The following PVT1 variants were observed in gnomAD, a reference collection of about 807,000 sequenced individuals.
The protein encoded by PVT1 is Pvt1 oncogene, also known as CXCR4/PVT1 fusion.
chr8:127,888,768 C>T lies in PVT1; in HGVS notation n.373-1821C>T, dbSNP rs199705040. 9.2e-5 allele frequency among the ~76,000 whole-genome samples: 14 copies of T among 152,344 alleles called. No homozygotes were observed. The East Asian group carries it at 2.5e-3, about 27-fold the overall frequency. ...TTGGAAAAGCAAGGAAACACATTCC[C>T]TCTCAGCCACCAGAAAGAAATGCAG... On this transcript the variant is annotated intron_variant and non_coding_transcript_variant, in intron 2 of 10. Transcript: ENST00000651587.
At chr8:127,948,923 G>T in intron 3 of PVT1, among the ~76,000 whole-genome samples, 1 of 152,246 alleles carries the variant, frequency 6.6e-6, no homozygotes, top group East Asian at 1.9e-4. Flanking sequence ...CTTGGTCTCA[G>T]CTCTAAAAAG....
intron 2 of PVT1, among the ~76,000 whole-genome samples, chr8:127,869,735 A>C (rs1419377490): frequency 6.6e-6 from 1 of 152,176 alleles, no homozygotes; most frequent in African/African-American, 2.4e-5. Flanking sequence ...TACCAGATTG[A>C]GTAGTGTCCC....
chr8:128,030,798 C>T (rs537128848), intron 4 of PVT1, among the ~76,000 whole-genome samples: 4 of 152,312 alleles, frequency 2.6e-5, no homozygotes, highest in South Asian at 4.1e-4. Flanking sequence ...CAGCATTGAA[C>T]GTGTCTTTCC....
intron 2 of PVT1, among the ~76,000 whole-genome samples, chr8:127,826,679 A>G (rs1814792403): frequency 2.0e-5 from 3 of 152,260 alleles, no homozygotes; most frequent in Non-Finnish European, 4.4e-5. Context: ...GAAAATGGTC[A>G]TAGTGGCTGT....
intron 2 of PVT1, among the ~76,000 whole-genome samples, chr8:127,832,522 T>C (rs965371537): frequency 6.6e-6 from 1 of 152,222 alleles, no homozygotes; most frequent in African/African-American, 2.4e-5. Flanking sequence ...GAAAACACAG[T>C]GAGTGAGTTC....
At chr8:128,006,712 C>A (rs189378590) in intron 4 of PVT1, among the ~76,000 whole-genome samples, 2 of 152,188 alleles carry the variant, frequency 1.3e-5, no homozygotes, top group Admixed American at 6.5e-5. Context: ...AAGATATTTT[C>A]TTTTATATTG....
At chr8:127,971,271 G>T (rs2129963700) in intron 3 of PVT1, among the ~76,000 whole-genome samples, 1 of 152,344 alleles carries the variant, frequency 6.6e-6, no homozygotes, top group African/African-American at 2.4e-5. Flanking sequence ...TCCCTACACA[G>T]CTGGCATTCA....
Position 127,926,385 on chromosome 8 carries a change from GGCTGCTAATGTCCACT to G in PVT1, n.782+35403_782+35418del, listed in dbSNP as rs548707493. ...CACTCACCCCAGCTGCCGAGACGGCGGCTGCTAATGTCCACTGCTGCTAATGTCCACAGCACCACTT... is the reference window on the plus strand; with the variant it reads ...CACTCACCCCAGCTGCCGAGACGGCGGCTGCTAATGTCCACAGCACCACTT... On this transcript the variant is annotated intron_variant and non_coding_transcript_variant, in intron 3 of 10. Transcript: ENST00000651587. Among the ~76,000 whole-genome samples, 77 of 152,264 alleles carry G rather than the reference GGCTGCTAATGTCCACT, an allele frequency of 5.1e-4. No homozygotes were observed. In the East Asian group the frequency reaches 0.013, roughly 25 times the overall value.
intron 4 of PVT1, among the ~76,000 whole-genome samples, chr8:128,004,037 T>G (rs1485698257): frequency 1.3e-5 from 2 of 152,316 alleles, no homozygotes; most frequent in East Asian, 3.9e-4. Context: ...CTGGTGTTTC[T>G]TCTTATAAGG....
chr8:127,951,129 C>T (rs1053031249), intron 3 of PVT1, among the ~76,000 whole-genome samples: 1 of 152,182 alleles, frequency 6.6e-6, no homozygotes, highest in African/African-American at 2.4e-5. Flanking sequence ...AACTCTTGAC[C>T]TCATGATCCA....
intron 4 of PVT1, among the ~76,000 whole-genome samples, chr8:128,026,449 T>C (rs1227602747): frequency 1.3e-5 from 2 of 152,184 alleles, no homozygotes; most frequent in Non-Finnish European, 2.9e-5. Flanking sequence ...GCAGGTGTTA[T>C]TCTCATCCAT....
chr8:127,949,741 CTT>C (rs1396545489), intron 3 of PVT1, among the ~76,000 whole-genome samples: 1 of 152,218 alleles, frequency 6.6e-6, no homozygotes, highest in Admixed American at 6.5e-5. Context: ...GTCCCCGCCT[CTT>C]TTACGAAGCG....
intron 5 of PVT1, among the ~76,000 whole-genome samples, chr8:128,090,218 G>A (rs1053985815): frequency 6.6e-6 from 1 of 152,086 alleles, no homozygotes; most frequent in African/African-American, 2.4e-5. Flanking sequence ...CTCCAAGGAG[G>A]GCCTGACTGG....
intron 2 of PVT1, among the ~76,000 whole-genome samples, chr8:127,848,194 C>T (rs1357397456): frequency 6.6e-6 from 1 of 152,314 alleles, no homozygotes; most frequent in East Asian, 1.9e-4. Context: ...CAGTTCTTAT[C>T]ACATGTCAAG....
chr8:127,825,609 C>T (rs539423168), intron 2 of PVT1, among the ~76,000 whole-genome samples: 2 of 152,176 alleles, frequency 1.3e-5, no homozygotes, highest in South Asian at 2.1e-4. Context: ...ACGTGGGGTA[C>T]GACCATGTTG....
chr8:128,077,473 T>C (rs1814105856), intron 5 of PVT1, among the ~76,000 whole-genome samples: 1 of 152,132 alleles, frequency 6.6e-6, no homozygotes, highest in Admixed American at 6.5e-5. Context: ...TTTATTTCCC[T>C]TTTCCTGTTT....
At chr8:128,014,288 G>T (rs1041911237) in intron 4 of PVT1, among the ~76,000 whole-genome samples, 20 of 152,228 alleles carry the variant, frequency 1.3e-4, no homozygotes, top group Non-Finnish European at 2.5e-4. Flanking sequence ...CTCTACAAGG[G>T]GGGTTAGCCA....
At chr8:127,799,994 G>T (rs543217244) in intron 2 of PVT1, among the ~76,000 whole-genome samples, 1 of 152,126 alleles carries the variant, frequency 6.6e-6, no homozygotes, top group Non-Finnish European at 1.5e-5. Context: ...GGAATCAAAG[G>T]GCTGTCCCTC....
intron 3 of PVT1, among the ~76,000 whole-genome samples, chr8:127,917,838 C>T (rs1252758866): frequency 6.6e-6 from 1 of 152,234 alleles, no homozygotes; most frequent in Non-Finnish European, 1.5e-5. Context: ...TGGCCAAGGG[C>T]AGAGTGGAGC....
Sources: allele counts gnomAD v4.1 joint callset (sites outside exome capture counted in the v4.1 genomes callset), GRCh38; gene constraint gnomAD v4.1.1; transcripts MANE v1.5; gene names NCBI Gene and HGNC (gene_info 2026-07-23, HGNC 2026-07-21).